The following EFCAB14 variants were observed in gnomAD, a reference collection of about 807,000 sequenced individuals.
EFCAB14 encodes the protein EF-hand calcium binding domain 14, also known as EF-hand calcium-binding domain-containing protein 14.
Under a neutral mutation model 56.5 loss-of-function variants are expected in EFCAB14, and 43 were observed. That is an observed-to-expected ratio of 0.76 (90% CI 0.60 to 0.98). The LOEUF (loss-of-function observed/expected upper bound fraction) is 0.98, where lower values mean the gene tolerates loss of function less well. Among genes scored for constraint, EFCAB14 ranks in the 50% least tolerant of loss-of-function variants. The pLI, the probability that EFCAB14 is intolerant of heterozygous loss-of-function variation, is 0.00. For synonymous variants in EFCAB14, 235 were observed against 212.9 expected (o/e 1.10, Z -0.90); for missense variants, 538 against 580.3 (o/e 0.93, Z 0.75).
intron 3 of EFCAB14, among the ~76,000 whole-genome samples, chr1:46,700,313 G>T (rs980004381): frequency 1.3e-5 from 2 of 152,158 alleles, no homozygotes; most frequent in Admixed American, 6.5e-5. Flanking sequence ...CTTTAATAGT[G>T]AAATTAATAA....
intron 10 of EFCAB14, among the ~76,000 whole-genome samples, chr1:46,682,585 T>C (rs969497957): frequency 1.3e-5 from 2 of 152,218 alleles, no homozygotes; most frequent in Non-Finnish European, 2.9e-5. Flanking sequence ...GCCTTCTCCA[T>C]TAGACTGTAA....
rs1677254379 is a variant in EFCAB14 at position 46,707,802 on chromosome 1, A to G, written c.480+104T>C. On this transcript the variant is annotated intron_variant, in intron 3 of 10. Coordinates refer to ENST00000371933, the MANE Select transcript of EFCAB14 (RefSeq NM_014774.3). ...AAACCCCATTTCAAAAAGTAAAACA[A>G]ACTGAAATGAATTCCCTATACCTAC... 4 of 1,205,698 alleles carry G rather than the reference A, an allele frequency of 3.3e-6. No homozygotes were observed. The South Asian group carries it at 7.3e-5, about 22-fold the overall frequency. The allele number at this position is 1,205,698 out of a possible 1,614,324, so 74.7% of individuals were successfully genotyped here.
intron 3 of EFCAB14, among the ~76,000 whole-genome samples, chr1:46,703,517 C>T (rs561149123): frequency 5.3e-5 from 8 of 152,072 alleles, no homozygotes; most frequent in Admixed American, 1.3e-4. Flanking sequence ...GCATTGAACC[C>T]ACAGCCAGCA....
At chr1:46,707,569 A>G (rs1219227262) in intron 3 of EFCAB14, among the ~76,000 whole-genome samples, 1 of 152,122 alleles carries the variant, frequency 6.6e-6, no homozygotes. Flanking sequence ...TGGGTTATCT[A>G]CTTTTCTTGG....
intron 7 of EFCAB14, 44 bp from the exon 8 acceptor site, chr1:46,686,914 A>G: frequency 6.3e-7 from 1 of 1,585,880 alleles, no homozygotes; most frequent in Admixed American, 1.7e-5. Context: ...GGAAGATTAA[A>G]GGCAAACATT....
At chr1:46,699,740 G>A (rs1434266132) in intron 3 of EFCAB14, among the ~76,000 whole-genome samples, 1 of 152,190 alleles carries the variant, frequency 6.6e-6, no homozygotes, top group Admixed American at 6.5e-5. Context: ...TTCTTTGATA[G>A]TCTTCTTCCC....
chr1:46,686,885 C>T lies in EFCAB14; in HGVS notation c.988-15G>A, dbSNP rs764926660. On this transcript the variant is annotated splice_polypyrimidine_tract_variant and intron_variant, in intron 7 of 10. Coordinates refer to ENST00000371933, the MANE Select transcript of EFCAB14 (RefSeq NM_014774.3). ...CTATCACCCATCTTAAAGGGCAAAA[C>T]AAAAACAAACAAACAAAGGGAAGAT... The T allele has an allele frequency of 2.3e-5, 37 of 1,610,912 alleles. No individual in the cohort carries two copies. The highest frequency in any genetic ancestry group is 3.1e-5 in the Non-Finnish European group (37 of 1,177,828).
intron 2 of EFCAB14, among the ~76,000 whole-genome samples, chr1:46,713,795 C>T (rs1162702734): frequency 6.6e-6 from 1 of 152,194 alleles, no homozygotes; most frequent in Non-Finnish European, 1.5e-5. Flanking sequence ...ACGGCACAGA[C>T]AGGTGTCTTC....
chr1:46,683,099 A>G (rs1329003659), intron 10 of EFCAB14: 2 of 458,872 alleles, frequency 4.4e-6, no homozygotes, highest in Non-Finnish European at 7.3e-6. Context: ...TTTCCCTATC[A>G]GTAAAATGGG....
At chr1:46,706,237 A>C (rs35861275) in intron 3 of EFCAB14, among the ~76,000 whole-genome samples, 24,513 of 152,202 alleles carry the variant, frequency 0.16, 2,552 homozygotes, top group South Asian at 0.27. Flanking sequence ...TTAAGTTTAC[A>C]GTTTCCAAAA....
chr1:46,700,986 A>AGTGAGTGAGTGAGTGAGTGTGTGTGT (rs145670885), intron 3 of EFCAB14, among the ~76,000 whole-genome samples: 5 of 142,844 alleles, frequency 3.5e-5, no homozygotes, highest in African/African-American at 1.3e-4. Flanking sequence ...AGAGTGAGTG[A>AGTGAGTGAGTGAGTGAGTGTGTGTGT]GTGTGTGTGT....
At chr1:46,692,017 G>C in intron 4 of EFCAB14, 80 bp from the exon 5 acceptor site, 1 of 1,002,962 alleles carries the variant, frequency 1.0e-6, no homozygotes, top group East Asian at 2.7e-5. Context: ...ATTCAAAAAT[G>C]TATAATTTGA....
chr1:46,682,267 A>G (rs1055956452), intron 10 of EFCAB14: 1 of 152,178 alleles, frequency 6.6e-6, no homozygotes, highest in South Asian at 2.1e-4. Flanking sequence ...CACTGGAGGT[A>G]AGGAAATGTT....
At chr1:46,701,371 A>G (rs1569718030) in intron 3 of EFCAB14, among the ~76,000 whole-genome samples, 1 of 141,240 alleles carries the variant, frequency 7.1e-6, no homozygotes, top group East Asian at 2.6e-4. Context: ...GGGCAAGACT[A>G]TAGTTATTCC....
In EFCAB14 at chr1:46,718,929, C is replaced by G. The variant is rs1451822899; in HGVS notation, c.-842G>C. On this transcript the variant is annotated 5_prime_UTR_variant, in exon 1 of 11. Transcript: ENST00000371933. Reference sequence around the variant, plus strand: ...AGCGCTCCCGCCCGGAGTTTGAGGTCTCCGGCACGGGCAACTCTCGGCCAC... The same window carrying G: ...AGCGCTCCCGCCCGGAGTTTGAGGTGTCCGGCACGGGCAACTCTCGGCCAC... 6.5e-6 allele frequency: 1 copy of G among 152,754 alleles called. No individual in the cohort carries two copies. The highest frequency in any genetic ancestry group is 1.9e-4 in the East Asian group (1 of 5,196). 9.5% of individuals were successfully genotyped at this position (152,754 alleles called of 1,614,324 possible). A position where few individuals can be genotyped will look rare whatever the true frequency, so the allele number is the denominator to read the frequency against.
At chr1:46,689,519 C>T in intron 6 of EFCAB14, 68 bp downstream of exon 6, 1 of 1,490,958 alleles carries the variant, frequency 6.7e-7, no homozygotes, top group Non-Finnish European at 9.3e-7. Flanking sequence ...AAACACTAAG[C>T]CCAAACTATT....
intron 3 of EFCAB14, among the ~76,000 whole-genome samples, chr1:46,697,822 T>C (rs1232142650): frequency 6.6e-6 from 1 of 150,828 alleles, no homozygotes; most frequent in Non-Finnish European, 1.5e-5. Flanking sequence ...TAATAAGTAC[T>C]GTGCTAAGAA....
chr1:46,678,391 A>G lies in EFCAB14; in HGVS notation c.*70T>C. 1.9e-6 allele frequency: 3 copies of G among 1,550,452 alleles called. No homozygotes were observed. The highest frequency in any genetic ancestry group is 1.4e-5 in the African/African-American group (1 of 73,532). ...TTGGAGGACTAGAGGACTGATGGGTAAGTAAGGGTTGTTTTGTTGTTAGGT... is the reference window on the plus strand; with the variant it reads ...TTGGAGGACTAGAGGACTGATGGGTGAGTAAGGGTTGTTTTGTTGTTAGGT... On this transcript the variant is annotated 3_prime_UTR_variant, in exon 11 of 11. Transcript: ENST00000371933.
At chr1:46,708,234 C>G (rs575445190) in intron 2 of EFCAB14, among the ~76,000 whole-genome samples, 183 bp from the exon 3 acceptor site, 1 of 152,164 alleles carries the variant, frequency 6.6e-6, no homozygotes, top group Non-Finnish European at 1.5e-5. Context: ...GGGGCTATTT[C>G]ACTGCTGGCA....
Sources: allele counts gnomAD v4.1 joint callset (sites outside exome capture counted in the v4.1 genomes callset), GRCh38; gene constraint gnomAD v4.1.1; transcripts MANE v1.5; gene names NCBI Gene and HGNC (gene_info 2026-07-23, HGNC 2026-07-21).